Variants in SAFB observed in about 807,000 individuals in gnomAD.
SAFB encodes the protein scaffold attachment factor B1.
Under a neutral mutation model 101.6 loss-of-function variants are expected in SAFB, and 15 were observed. The observed-to-expected ratio is 0.15, with a 90% confidence interval of 0.10 to 0.23. The LOEUF (loss-of-function observed/expected upper bound fraction) is 0.23, where lower values mean the gene tolerates loss of function less well. Among genes scored for constraint, SAFB ranks in the 10% least tolerant of loss-of-function variants. The pLI is 1.00. For missense variants in SAFB, 930 were observed against 1,104.1 expected (o/e 0.84, Z 2.23); for synonymous variants, 449 against 407.5 (o/e 1.10, Z -1.23).
chr19:5,637,261 G>A (rs531900970), intron 2 of SAFB, among the ~76,000 whole-genome samples: 112 of 148,048 alleles, frequency 7.6e-4, no homozygotes, highest in Admixed American at 3.6e-3. Context: ...GGAGAATGGC[G>A]TGAACCCGGG....
At chr19:5,647,978 T>A in intron 5 of SAFB, 38 bp from the exon 6 acceptor site, 1 of 1,583,836 alleles carries the variant, frequency 6.3e-7, no homozygotes, top group East Asian at 2.2e-5. Flanking sequence ...GTAGGTGTCA[T>A]TCATCTGGCA....
intron 2 of SAFB, among the ~76,000 whole-genome samples, chr19:5,639,078 C>T (rs147440359): frequency 6.6e-6 from 1 of 152,258 alleles, no homozygotes; most frequent in East Asian, 1.9e-4. Context: ...AAAACTGGAA[C>T]AAAAATAACA....
In SAFB at chr19:5,653,230, C is replaced by T. The variant is rs1300047585; in HGVS notation, c.1409C>T (p.Thr470Met). 5.6e-6 allele frequency: 9 copies of T among 1,614,010 alleles called. No homozygotes were observed. Among genetic ancestry groups the T allele is most frequent in the Non-Finnish European group, 7.6e-6 (9 of 1,180,044 alleles). ...ATKCINHLHK[T>M]ELHGKMISVE... ...AAATGCATTAACCACCTGCACAAGACGGAGCTCCACGGAAAGATGATCTCC... is the reference window on the plus strand; with the variant it reads ...AAATGCATTAACCACCTGCACAAGATGGAGCTCCACGGAAAGATGATCTCC... The change falls in exon 10 of 21, where the codon ACG becomes ATG. Residue 470 changes from threonine to methionine, a missense_variant. Around this residue, in one of 7 missense-constraint regions of SAFB, gnomAD observed 68 missense variants for 122.1 expected, o/e 0.56. Coordinates refer to ENST00000588852, the MANE Select transcript of SAFB (RefSeq NM_001201338.2).
intron 2 of SAFB, among the ~76,000 whole-genome samples, chr19:5,641,321 C>G (rs539036669): frequency 6.6e-6 from 1 of 152,272 alleles, no homozygotes; most frequent in East Asian, 1.9e-4. Context: ...AAGGGCAGAG[C>G]TGAGGACAGG....
chr19:5,648,333 A>G lies in SAFB; in HGVS notation c.637+290A>G, dbSNP rs1215155552. 3 of 416,234 alleles carry G rather than the reference A, an allele frequency of 7.2e-6. No individual in the cohort carries two copies. In the Admixed American group the frequency reaches 1.3e-4, roughly 17 times the overall value. 25.8% of individuals were successfully genotyped at this position (416,234 alleles called of 1,614,324 possible). A position where few individuals can be genotyped will look rare whatever the true frequency, so the allele number is the denominator to read the frequency against. ...GAATCATACATAGAGAAAGAGTTCC[A>G]GATGCCTCTCTTGAGAGCTAATACC... On this transcript the variant is annotated intron_variant, in intron 6 of 20. Coordinates refer to ENST00000588852, the MANE Select transcript of SAFB (RefSeq NM_001201338.2).
chr19:5,628,466 A>AT (rs554783733), intron 2 of SAFB, among the ~76,000 whole-genome samples: 140 of 152,264 alleles, frequency 9.2e-4, no homozygotes, highest in African/African-American at 3.2e-3. Context: ...TTAATACCAT[A>AT]TTTTTTATAA....
Position 5,623,144 on chromosome 19 carries a change from A to C in SAFB, c.-62A>C, listed in dbSNP as rs566426266. 3.3e-6 allele frequency: 5 copies of C among 1,499,218 alleles called. No individual in the cohort carries two copies. The highest frequency in any genetic ancestry group is 1.2e-5 in the South Asian group (1 of 82,818). 92.9% of individuals were successfully genotyped at this position (1,499,218 alleles called of 1,614,324 possible). A position where few individuals can be genotyped will look rare whatever the true frequency, so the allele number is the denominator to read the frequency against. ...CTCGCAGGCGGCGCCATTTTGTGCT[A>C]GGAGCCTGATAAAACCGGCCCGGTT... On this transcript the variant is annotated 5_prime_UTR_variant, in exon 1 of 21. Transcript: ENST00000588852.
chr19:5,650,898 G>A (rs2053924475), intron 8 of SAFB, 80 bp from the exon 9 acceptor site: 7 of 918,786 alleles, frequency 7.6e-6, no homozygotes, highest in Admixed American at 2.2e-5. Context: ...TGGGAACCAT[G>A]TCTCTTTTGG....
chr19:5,644,105 A>G (rs1790017001), intron 4 of SAFB, among the ~76,000 whole-genome samples: 1 of 152,014 alleles, frequency 6.6e-6, no homozygotes, highest in Non-Finnish European at 1.5e-5. Flanking sequence ...TTTTCAAGAC[A>G]GGGTCTCATG....
intron 2 of SAFB, among the ~76,000 whole-genome samples, chr19:5,629,077 G>A (rs1220393934): frequency 6.6e-6 from 1 of 152,164 alleles, no homozygotes; most frequent in Non-Finnish European, 1.5e-5. Flanking sequence ...GATTTCAGTT[G>A]TGAGCCACTG....
chr19:5,647,430 C>T (rs1438531481), intron 5 of SAFB, among the ~76,000 whole-genome samples: 1 of 152,168 alleles, frequency 6.6e-6, no homozygotes, highest in African/African-American at 2.4e-5. Context: ...GCAAGGATGG[C>T]ACCAGCCTGA....
In SAFB at chr19:5,653,359, A is replaced by C. The variant is rs765528126; in HGVS notation, c.1465A>C (p.Lys489Gln). ...TCAGGCCAAAAATGAACCTGTGGGA[A>C]AGAAAACCTCTGACAAAAGAGACAG... Reference protein sequence around the residue: ...VEKAKNEPVGKKTSDKRDSDG... With the variant: ...VEKAKNEPVGQKTSDKRDSDG... Residue 489 changes from lysine to glutamine, a missense_variant, in exon 11 of 21, where the codon AAG (lysine) becomes CAG (glutamine). Physicochemically the swap from Lys to Gln is moderately conservative, Grantham distance 53. Transcript: ENST00000588852. 10 of 1,614,100 alleles carry C rather than the reference A, an allele frequency of 6.2e-6. No homozygotes were observed. The South Asian group carries it at 8.8e-5, about 14-fold the overall frequency.
intron 7 of SAFB, chr19:5,649,702 G>A: frequency 1.3e-6 from 1 of 785,358 alleles, no homozygotes; most frequent in Non-Finnish European, 2.0e-6. Context: ...CCATGGTTGT[G>A]TTCTTAAATT....
chr19:5,652,538 A>G lies in SAFB; in HGVS notation c.1294-577A>G, dbSNP rs1450807747. Among the ~76,000 whole-genome samples the G allele has an allele frequency of 4.6e-5, 7 of 152,292 alleles. No individual in the cohort carries two copies. The East Asian group carries it at 1.2e-3, about 25-fold the overall frequency. On this transcript the variant is annotated intron_variant, in intron 9 of 20. Coordinates refer to ENST00000588852, the MANE Select transcript of SAFB (RefSeq NM_001201338.2). ...GCTGCTGCAGGGCTTTTCCTGAGCC[A>G]TGGTGTCTTCTGCCGTCAAAGGGCG...
At position 5,645,356 on chromosome 19, in the gene SAFB, TA is replaced by T; in HGVS notation, c.569del (p.Asn190ThrfsTer3). The T allele has an allele frequency of 7.5e-7, 1 of 1,338,678 alleles. No homozygotes were observed. The highest frequency in any genetic ancestry group is 1.4e-5 in the African/African-American group (1 of 69,632). The allele number at this position is 1,338,678 out of a possible 1,614,324, so 82.9% of individuals were successfully genotyped here. On this transcript the variant is annotated frameshift_variant, in exon 5 of 21. Coordinates refer to ENST00000588852, the MANE Select transcript of SAFB (RefSeq NM_001201338.2). LOFTEE classifies it high-confidence loss of function. ...TTACAGATAGAGGACAAAGAAACTA[TA>T]AACAATTTAGATACTTCATCATCTG... ...QEHAIEDKET[I>X]NNLDTSSSDF... is the part of the protein sequence containing the mutation.
chr19:5,652,507 C>T lies in SAFB; in HGVS notation c.1294-608C>T, dbSNP rs184793338. On this transcript the variant is annotated intron_variant, in intron 9 of 20. Transcript: ENST00000588852. The stretch of plus-strand genomic sequence containing the variant: ...TGATGAGCATGATTACCAGCCTCGG[C>T]CACTGGCTGCTGCAGGGCTTTTCCT... Among the ~76,000 whole-genome samples the T allele has an allele frequency of 2.0e-5, 3 of 152,308 alleles. No homozygotes were observed. In the East Asian group the frequency reaches 5.8e-4, roughly 29 times the overall value.
rs1232356263 is a variant in SAFB at position 5,653,146 on chromosome 19, G to A, written c.1325G>A (p.Arg442Gln). The change falls in exon 10 of 21, where the codon CGG becomes CAG. Residue 442 changes from arginine (R) to glutamine (Q), a missense_variant. By Grantham distance (43) the Arg-to-Gln change is conservative (BLOSUM62 1). Coordinates refer to ENST00000588852, the MANE Select transcript of SAFB (RefSeq NM_001201338.2). ...VVGAKVVTNA[R>Q]SPGARCYGFV... Reference sequence around the variant, plus strand: ...GGCGCCAAGGTTGTGACAAATGCCCGGAGTCCTGGAGCTCGCTGTTACGGT... The same window carrying A: ...GGCGCCAAGGTTGTGACAAATGCCCAGAGTCCTGGAGCTCGCTGTTACGGT... The A allele has an allele frequency of 6.8e-6, 11 of 1,613,894 alleles. No individual in the cohort carries two copies. The highest frequency in any genetic ancestry group is 3.3e-5 in the South Asian group (3 of 91,086).
At chr19:5,660,561 CTG>C (rs1042493562) in intron 14 of SAFB, among the ~76,000 whole-genome samples, 4 of 151,522 alleles carry the variant, frequency 2.6e-5, no homozygotes, top group South Asian at 2.1e-4. Context: ...ATATCTATAA[CTG>C]TGTAGGTAAA....
chr19:5,661,060 G>A (rs2054189809), intron 14 of SAFB, among the ~76,000 whole-genome samples: 1 of 150,676 alleles, frequency 6.6e-6, no homozygotes, highest in Non-Finnish European at 1.5e-5. Flanking sequence ...TGGGACTACA[G>A]GTGCGTGCGT....
Sources: gnomAD v4.1 joint callset for allele counts (sites outside exome capture counted in the v4.1 genomes callset) on GRCh38, gnomAD v4.1.1 for gene constraint, gnomAD v4.1.1 regional missense constraint, MANE v1.5 for transcripts, NCBI Gene and HGNC (gene_info 2026-07-23, HGNC 2026-07-21) for gene names.